Variants in INPP4B observed in about 807,000 individuals in gnomAD.
INPP4B encodes inositol polyphosphate-4-phosphatase type II B, also known as inositol polyphosphate 4-phosphatase type II.
INPP4B carries 55 observed loss-of-function variants against 122.5 expected under a neutral mutation model. That is an observed-to-expected ratio of 0.45 (90% CI 0.36 to 0.56). INPP4B has a LOEUF of 0.56. Among genes scored for constraint, INPP4B ranks in the 20% least tolerant of loss-of-function variants. INPP4B has a pLI of 0.00. For synonymous variants in INPP4B, 403 were observed against 388.7 expected (o/e 1.04, Z -0.43); for missense variants, 1,000 against 1,097.7 (o/e 0.91, Z 1.26).
rs959374421 is a variant in INPP4B at position 142,421,229 on chromosome 4, G to T, written c.136+7944C>A. On this transcript the variant is annotated intron_variant, in intron 5 of 25. Coordinates refer to ENST00000262992, the MANE Select transcript of INPP4B (RefSeq NM_001101669.3). ...CTTTATTTTTGTTGTTGAGTTGTTG[G>T]TGAATGCCTGTTCTGAAAAATATCT... 2.3e-4 allele frequency among the ~76,000 whole-genome samples: 35 copies of T among 152,102 alleles called. 1 individual carries two copies. Among genetic ancestry groups the T allele is most frequent in the Non-Finnish European group, 2.9e-5 (2 of 68,016 alleles).
At chr4:142,659,792 A>T (rs965131950) in intron 2 of INPP4B, among the ~76,000 whole-genome samples, 2 of 152,126 alleles carry the variant, frequency 1.3e-5, no homozygotes, top group Non-Finnish European at 2.9e-5. Flanking sequence ...GTGTCTCACA[A>T]GACATCCTTT....
chr4:142,114,233 C>T (rs557606983), intron 21 of INPP4B, among the ~76,000 whole-genome samples: 3 of 151,990 alleles, frequency 2.0e-5, no homozygotes, highest in Non-Finnish European at 4.4e-5. Flanking sequence ...TTGGATTATT[C>T]CATGATTCGG....
At chr4:142,804,918 C>T (rs1357294449) in intron 1 of INPP4B, among the ~76,000 whole-genome samples, 3 of 152,168 alleles carry the variant, frequency 2.0e-5, no homozygotes, top group African/African-American at 7.2e-5. Context: ...CCACTGGCCT[C>T]GGCCTCCCAA....
intron 12 of INPP4B, among the ~76,000 whole-genome samples, chr4:142,212,965 T>C (rs1845536456): frequency 6.6e-6 from 1 of 152,178 alleles, no homozygotes; most frequent in Non-Finnish European, 1.5e-5. Flanking sequence ...TGGCTGAACT[T>C]TTCATGATTA....
chr4:142,059,273 G>A (rs1477563907), intron 25 of INPP4B, among the ~76,000 whole-genome samples: 5 of 152,010 alleles, frequency 3.3e-5, no homozygotes, highest in African/African-American at 4.8e-5. Context: ...TTACCTATCC[G>A]GTAATAATAC....
intron 11 of INPP4B, among the ~76,000 whole-genome samples, chr4:142,252,522 C>A (rs1358958428): frequency 1.3e-5 from 2 of 152,126 alleles, no homozygotes; most frequent in Admixed American, 1.3e-4. Flanking sequence ...ATTTAATTTA[C>A]ATTATCATTT....
At chr4:142,556,965 G>A (rs887725206) in intron 2 of INPP4B, among the ~76,000 whole-genome samples, 24 of 152,266 alleles carry the variant, frequency 1.6e-4, no homozygotes, top group Admixed American at 1.2e-3. Flanking sequence ...CATCAAAACC[G>A]ATACAGCACA....
chr4:142,259,699 CACAAAT>C (rs1738713469), intron 11 of INPP4B, among the ~76,000 whole-genome samples: 1 of 151,846 alleles, frequency 6.6e-6, no homozygotes, highest in South Asian at 2.1e-4. Flanking sequence ...TAGCTGAAAA[CACAAAT>C]ACATTGTACA....
chr4:142,833,960 A>T (rs1423124787), intron 1 of INPP4B, among the ~76,000 whole-genome samples: 3 of 152,126 alleles, frequency 2.0e-5, no homozygotes, highest in Non-Finnish European at 4.4e-5. Flanking sequence ...ATCCAAAATC[A>T]TGGGAATCTG....
chr4:142,029,527 AAAG>A lies in INPP4B; in HGVS notation c.2643-616_2643-614del. On this transcript the variant is annotated intron_variant, in intron 25 of 25. Transcript: ENST00000262992. ...CAAGACACAAACAAGACCTTGTTAA[AAAG>A]AATAGAAAAGTCCTCTGAAAGCCAA... The A allele has an allele frequency of 3.0e-6, 3 of 985,676 alleles. No homozygotes were observed. In the East Asian group the frequency reaches 3.4e-4, roughly 112 times the overall value. The allele number at this position is 985,676 out of a possible 1,614,324, so 61.1% of individuals were successfully genotyped here.
At chr4:142,422,910 C>T (rs2149320796) in intron 5 of INPP4B, among the ~76,000 whole-genome samples, 1 of 152,194 alleles carries the variant, frequency 6.6e-6, no homozygotes, top group Middle Eastern at 3.4e-3. Context: ...AAGGCAAGCA[C>T]AGGCCTTGTT....
intron 2 of INPP4B, among the ~76,000 whole-genome samples, chr4:142,708,621 T>G (rs187867831): frequency 6.6e-6 from 1 of 152,304 alleles, no homozygotes; most frequent in Admixed American, 6.5e-5. Context: ...CCACATGGTG[T>G]TAAGCCACGT....
At chr4:142,223,488 T>G (rs1850244029) in intron 12 of INPP4B, among the ~76,000 whole-genome samples, 1 of 152,132 alleles carries the variant, frequency 6.6e-6, no homozygotes, top group African/African-American at 2.4e-5. Flanking sequence ...CTTGGCACAA[T>G]TGAAAAAAAT....
chr4:142,113,652 G>A (rs550250625), intron 21 of INPP4B, among the ~76,000 whole-genome samples: 2 of 152,036 alleles, frequency 1.3e-5, no homozygotes, highest in South Asian at 4.1e-4. Context: ...TCAGATGAGT[G>A]AGCGCATTAT....
At chr4:142,066,766 G>A (rs1439921794) in intron 25 of INPP4B, among the ~76,000 whole-genome samples, 1 of 152,204 alleles carries the variant, frequency 6.6e-6, no homozygotes, top group Admixed American at 6.5e-5. Flanking sequence ...GCAGCAGCGA[G>A]GCTGAGGGAG....
intron 1 of INPP4B, among the ~76,000 whole-genome samples, chr4:142,845,203 A>G (rs540924364): frequency 6.6e-6 from 1 of 152,280 alleles, no homozygotes; most frequent in East Asian, 1.9e-4. Flanking sequence ...TCTTGTCCCC[A>G]AAGAGAAACT....
In INPP4B at chr4:142,190,178, GTTTT is replaced by G. The variant is rs1222650705; in HGVS notation, c.1181+2905_1181+2908del. Among the ~76,000 whole-genome samples the G allele has an allele frequency of 2.0e-5, 3 of 147,240 alleles. No homozygotes were observed. The East Asian group carries it at 6.1e-4, about 30-fold the overall frequency. On this transcript the variant is annotated intron_variant, in intron 15 of 25. Coordinates refer to ENST00000262992, the MANE Select transcript of INPP4B (RefSeq NM_001101669.3). ...TGGTCTAAAAGACTTGGCTATCTGG[GTTTT>G]TTATTTGTTTGTTTGTTTATTTTTG...
At chr4:142,062,641 C>G (rs1019084326) in intron 25 of INPP4B, among the ~76,000 whole-genome samples, 3 of 151,966 alleles carry the variant, frequency 2.0e-5, no homozygotes, top group Non-Finnish European at 4.4e-5. Context: ...GGGGCTGAGG[C>G]AGGAGAATCA....
chr4:142,383,616 T>C (rs750477433), intron 7 of INPP4B, among the ~76,000 whole-genome samples: 2 of 151,974 alleles, frequency 1.3e-5, no homozygotes, highest in African/African-American at 4.8e-5. Context: ...TAGTATCCCA[T>C]GATGCTTAAA....
Sources: gnomAD v4.1 joint callset for allele counts (sites outside exome capture counted in the v4.1 genomes callset) on GRCh38, gnomAD v4.1.1 for gene constraint, MANE v1.5 for transcripts, NCBI Gene and HGNC (gene_info 2026-07-23, HGNC 2026-07-21) for gene names.